Variants in PTPN14 observed in about 807,000 individuals in gnomAD.
PTPN14 encodes tyrosine-protein phosphatase non-receptor type 14.
A neutral mutation model predicts 126.8 loss-of-function variants in PTPN14; 53 were observed. The observed-to-expected ratio is 0.42, with a 90% CI of 0.34 to 0.53. PTPN14 has a LOEUF of 0.53. PTPN14 is among the 20% of genes least tolerant of loss of function. PTPN14 has a pLI of 0.08. For synonymous variants in PTPN14, 630 were observed against 599.3 expected (o/e 1.05, Z -0.75); for missense variants, 1,257 against 1,552.9 (o/e 0.81, Z 3.20).
chr1:214,390,954 C>T, intron 11 of PTPN14, 34 bp downstream of exon 11: 1 of 1,440,968 alleles, frequency 6.9e-7, no homozygotes, highest in Non-Finnish European at 9.4e-7. Flanking sequence ...GCTCAACAGT[C>T]AGATCACTTG....
intron 5 of PTPN14, among the ~76,000 whole-genome samples, chr1:214,407,760 T>C (rs1659204004): frequency 6.6e-6 from 1 of 152,242 alleles, no homozygotes; most frequent in Non-Finnish European, 1.5e-5. Context: ...TTTGCTTTCT[T>C]GTTTTTCTTT....
chr1:214,490,953 AAAGG>A (rs1161519197), intron 1 of PTPN14, among the ~76,000 whole-genome samples: 58 of 64,130 alleles, frequency 9.0e-4, no homozygotes, highest in Admixed American at 1.7e-3. Flanking sequence ...GAAAAGAAAG[AAAGG>A]AAGGAAGGAA....
chr1:214,532,178 T>C, intron 1 of PTPN14: 1 of 327,470 alleles, frequency 3.1e-6, no homozygotes, highest in Non-Finnish European at 6.0e-6. Flanking sequence ...GTCCTCTCGT[T>C]CTCCTCCCCA....
chr1:214,512,129 C>A (rs563366847), intron 1 of PTPN14, among the ~76,000 whole-genome samples: 19 of 152,192 alleles, frequency 1.2e-4, no homozygotes, highest in African/African-American at 4.3e-4. Context: ...AGTGCCCACA[C>A]CCCCAACCAT....
chr1:214,391,855 G>A (rs964451615), intron 10 of PTPN14, among the ~76,000 whole-genome samples: 2 of 152,084 alleles, frequency 1.3e-5, no homozygotes, highest in African/African-American at 4.8e-5. Context: ...TATAGCAATG[G>A]TGGATTTTTA....
chr1:214,547,728 G>A (rs1656007125), intron 1 of PTPN14, among the ~76,000 whole-genome samples: 1 of 151,926 alleles, frequency 6.6e-6, no homozygotes, highest in Admixed American at 6.6e-5. Flanking sequence ...ATAAAACACT[G>A]GACCATCATT....
At chr1:214,485,226 C>T (rs375363432) in intron 1 of PTPN14, among the ~76,000 whole-genome samples, 7 of 152,172 alleles carry the variant, frequency 4.6e-5, no homozygotes, top group African/African-American at 7.2e-5. Context: ...TGAGCACTTA[C>T]TGTGTTTCGT....
intron 1 of PTPN14, among the ~76,000 whole-genome samples, chr1:214,471,502 C>T (rs1355734227): frequency 1.3e-5 from 2 of 152,174 alleles, no homozygotes; most frequent in Non-Finnish European, 2.9e-5. Flanking sequence ...TGGACAAGTT[C>T]CCTTCCTACT....
chr1:214,501,594 T>A (rs116573986), intron 1 of PTPN14, among the ~76,000 whole-genome samples: 5 of 152,086 alleles, frequency 3.3e-5, no homozygotes, highest in East Asian at 3.8e-4. Context: ...CCTTCAGAGG[T>A]AACCCTATGC....
intron 9 of PTPN14, among the ~76,000 whole-genome samples, chr1:214,394,394 GTATTT>G (rs988905249): frequency 6.6e-6 from 1 of 152,082 alleles, no homozygotes; most frequent in Non-Finnish European, 1.5e-5. Context: ...TGGAAACCTG[GTATTT>G]TATTTTATTT....
At chr1:214,369,043 C>T (rs1658152493) in intron 17 of PTPN14, among the ~76,000 whole-genome samples, 1 of 152,184 alleles carries the variant, frequency 6.6e-6, no homozygotes, top group South Asian at 2.1e-4. Context: ...CTCTCACCTA[C>T]TTTCTGTCTC....
chr1:214,521,255 G>C (rs114290488), intron 1 of PTPN14, among the ~76,000 whole-genome samples: 2,069 of 152,282 alleles, frequency 0.014, 35 homozygotes, highest in African/African-American at 0.046. Flanking sequence ...TTTTCACAAA[G>C]TACTTGACGG....
chr1:214,402,337 G>C (rs1659038691), intron 6 of PTPN14, among the ~76,000 whole-genome samples: 2 of 149,130 alleles, frequency 1.3e-5, no homozygotes, highest in African/African-American at 5.0e-5. Flanking sequence ...CTACTCGAGA[G>C]TCTGAGGCAT....
chr1:214,411,588 G>A lies in PTPN14; in HGVS notation c.510+96C>T, dbSNP rs1172843794. ...TAAACCCATCGACTTTTTCCCCAGG[G>A]AATATGCATATGTAAAATCCTGAAA... On this transcript the variant is annotated intron_variant, in intron 5 of 18. Transcript: ENST00000366956. 2 of 891,216 alleles carry A rather than the reference G, an allele frequency of 2.2e-6. 1 individual carries two copies. Among genetic ancestry groups the A allele is most frequent in the South Asian group, 3.4e-5 (2 of 58,104 alleles). The allele number at this position is 891,216 out of a possible 1,614,324, so 55.2% of individuals were successfully genotyped here. A position where few individuals can be genotyped will look rare whatever the true frequency, so the allele number is the denominator to read the frequency against.
intron 1 of PTPN14, chr1:214,530,337 C>CT (rs1219471589): frequency 0.054 from 6,915 of 129,008 alleles, 575 homozygotes; most frequent in African/African-American, 0.18. Context: ...CTTTTCTTTT[C>CT]TTTTTTTTTT....
Position 214,384,812 on chromosome 1 carries a change from C to G in PTPN14, c.1067-24G>C, listed in dbSNP as rs768982645. 1 of 1,588,640 alleles carries G rather than the reference C, an allele frequency of 6.3e-7. No homozygotes were observed. The highest frequency in any genetic ancestry group is 1.7e-5 in the Admixed American group (1 of 58,542). On this transcript the variant is annotated intron_variant, in intron 12 of 18. Transcript: ENST00000366956. This position sits in a 1 kb window ranked among gnomAD's most constrained non-coding sequence, Gnocchi z 5.3. ...GTCTACAAGAAGTCAAACAAAGGCACGTGAACCTCCAAGCCATCCTGCCAC... is the reference window on the plus strand; with the variant it reads ...GTCTACAAGAAGTCAAACAAAGGCAGGTGAACCTCCAAGCCATCCTGCCAC...
chr1:214,447,663 T>G (rs557398439), intron 3 of PTPN14, among the ~76,000 whole-genome samples: 127 of 152,306 alleles, frequency 8.3e-4, no homozygotes, highest in African/African-American at 3.0e-3. Flanking sequence ...TAGGGCCCCT[T>G]GGAGGCAACA....
At chr1:214,407,205 AC>A (rs2102573893) in intron 5 of PTPN14, among the ~76,000 whole-genome samples, 1 of 152,320 alleles carries the variant, frequency 6.6e-6, no homozygotes, top group South Asian at 2.1e-4. Context: ...AGCAGATAAT[AC>A]CACTGTTTAC....
At chr1:214,393,290 G>A (rs760131734) in intron 10 of PTPN14, among the ~76,000 whole-genome samples, 2 of 152,176 alleles carry the variant, frequency 1.3e-5, no homozygotes, top group Non-Finnish European at 2.9e-5. Flanking sequence ...CGGGGCTGAG[G>A]ATGACAGGAG....
Sources: gnomAD v4.1 joint callset for allele counts (sites outside exome capture counted in the v4.1 genomes callset) on GRCh38, gnomAD v4.1.1 for gene constraint, Gnocchi (gnomAD v3.1) non-coding constraint, MANE v1.5 for transcripts, NCBI Gene and HGNC (gene_info 2026-07-23, HGNC 2026-07-21) for gene names.